Variants in ROBO1 observed in about 807,000 individuals in gnomAD.
ROBO1 encodes roundabout guidance receptor 1, also known as roundabout homolog 1.
Under a neutral mutation model 195.9 loss-of-function variants are expected in ROBO1, and 149 were observed. The observed-to-expected ratio is 0.76, with a 90% CI of 0.67 to 0.87. The LOEUF (loss-of-function observed/expected upper bound fraction) is 0.87, where lower values mean the gene tolerates loss of function less well. Ranked by LOEUF, ROBO1 falls within the 40% of genes least tolerant of loss-of-function variation. The pLI, the probability that ROBO1 is intolerant of heterozygous loss-of-function variation, is 0.00. For synonymous variants in ROBO1, 816 were observed against 733.2 expected (o/e 1.11, Z -1.82); for missense variants, 1,933 against 2,068.3 (o/e 0.93, Z 1.27).
intron 4 of ROBO1, among the ~76,000 whole-genome samples, chr3:78,775,549 G>C (rs1281882045): frequency 2.0e-5 from 3 of 152,116 alleles, no homozygotes; most frequent in Admixed American, 1.3e-4. Context: ...TAGTCACTAT[G>C]CTATACAAAG....
chr3:79,175,512 C>G (rs752291722), intron 2 of ROBO1, among the ~76,000 whole-genome samples: 7 of 152,206 alleles, frequency 4.6e-5, no homozygotes, highest in Non-Finnish European at 8.8e-5. Flanking sequence ...ATTGTTCTTC[C>G]TTCCTAACAC....
chr3:79,691,484 A>T (rs921874058), intron 1 of ROBO1, among the ~76,000 whole-genome samples: 157 of 151,582 alleles, frequency 1.0e-3, no homozygotes, highest in African/African-American at 3.7e-3. Flanking sequence ...ATATATGTTT[A>T]GCCATGAGAT....
chr3:78,608,326 G>A (rs1033645535), intron 28 of ROBO1, among the ~76,000 whole-genome samples: 7 of 151,926 alleles, frequency 4.6e-5, no homozygotes, highest in Middle Eastern at 6.8e-3. Flanking sequence ...GGCTGGTCTC[G>A]AACTCCTATG....
intron 2 of ROBO1, among the ~76,000 whole-genome samples, chr3:79,514,306 G>C (rs914053436): frequency 6.6e-6 from 1 of 152,130 alleles, no homozygotes; most frequent in Non-Finnish European, 1.5e-5. Flanking sequence ...CGTGGTGTGC[G>C]GGGGTGGAGG....
intron 1 of ROBO1, among the ~76,000 whole-genome samples, chr3:79,653,432 G>A (rs9870983): frequency 0.58 from 87,970 of 151,630 alleles, 25,807 homozygotes; most frequent in South Asian, 0.67. Context: ...CTTTTACTTC[G>A]AATAATAAAA....
intron 28 of ROBO1, among the ~76,000 whole-genome samples, chr3:78,611,698 G>T (rs1703823386): frequency 6.6e-6 from 1 of 152,184 alleles, no homozygotes; most frequent in African/African-American, 2.4e-5. Context: ...AAATGTTGAA[G>T]TCCTAACCCC....
At chr3:79,049,909 A>T (rs911239802) in intron 3 of ROBO1, among the ~76,000 whole-genome samples, 6 of 152,184 alleles carry the variant, frequency 3.9e-5, no homozygotes, top group African/African-American at 1.4e-4. Context: ...TAAACATGAA[A>T]AGGAAAAACC....
At chr3:78,875,213 A>G (rs2035768864) in intron 4 of ROBO1, among the ~76,000 whole-genome samples, 1 of 152,048 alleles carries the variant, frequency 6.6e-6, no homozygotes, top group Non-Finnish European at 1.5e-5. Context: ...ACTTCTTATG[A>G]AGTGATTCAT....
chr3:79,647,291 C>G (rs528090617), intron 1 of ROBO1, among the ~76,000 whole-genome samples: 43 of 152,156 alleles, frequency 2.8e-4, no homozygotes, highest in African/African-American at 9.1e-4. Context: ...CCTGAAAGCT[C>G]TCATGCTACA....
chr3:79,120,491 T>C (rs2080096718), intron 3 of ROBO1, among the ~76,000 whole-genome samples: 1 of 152,170 alleles, frequency 6.6e-6, no homozygotes, highest in Non-Finnish European at 1.5e-5. Context: ...CAAGCTTTTC[T>C]TGAATATGCT....
intron 4 of ROBO1, among the ~76,000 whole-genome samples, chr3:78,839,927 T>C (rs926823458): frequency 6.6e-6 from 1 of 152,172 alleles, no homozygotes; most frequent in Admixed American, 6.6e-5. Flanking sequence ...TTTATTAAGA[T>C]AACAGTGAAC....
intron 4 of ROBO1, among the ~76,000 whole-genome samples, chr3:78,866,556 T>C (rs2035194497): frequency 6.6e-6 from 1 of 152,216 alleles, no homozygotes. Context: ...ATAAAGAAGC[T>C]AATATTATAT....
intron 1 of ROBO1, among the ~76,000 whole-genome samples, chr3:79,634,421 T>A (rs1945436757): frequency 6.6e-6 from 1 of 152,078 alleles, no homozygotes; most frequent in Admixed American, 6.6e-5. Flanking sequence ...TTATACTTTG[T>A]AATTCTGCCA....
rs1418893267 is a variant in ROBO1, at chr3:79,527,957, T to G, written c.88+61867A>C. ...AATAATCGGGCCCCTCTACAAGGTG[T>G]GTGTGAATACTGACTCTCAGTAACC... is the stretch of plus-strand genomic sequence containing the variant. On this transcript the variant is annotated intron_variant, in intron 2 of 30. Transcript: ENST00000464233. The G allele has an allele frequency of 2.6e-5, 4 of 152,292 alleles. No individual in the cohort carries two copies. The East Asian group carries it at 7.7e-4, about 29-fold the overall frequency. 9.4% of individuals were successfully genotyped at this position (152,292 alleles called of 1,614,324 possible). A position where few individuals can be genotyped will look rare whatever the true frequency, so the allele number is the denominator to read the frequency against.
chr3:78,952,044 T>C (rs1304994081), intron 3 of ROBO1, among the ~76,000 whole-genome samples: 2 of 151,648 alleles, frequency 1.3e-5, no homozygotes, highest in Admixed American at 6.6e-5. Flanking sequence ...TACCTTATGG[T>C]TTTGTTTATT....
chr3:79,054,213 C>G (rs908582610), intron 3 of ROBO1, among the ~76,000 whole-genome samples: 2 of 152,082 alleles, frequency 1.3e-5, no homozygotes, highest in African/African-American at 4.8e-5. Context: ...CTTTGATGCT[C>G]TTACCACAGA....
At chr3:78,943,588 G>A (rs989182875) in intron 3 of ROBO1, among the ~76,000 whole-genome samples, 43 of 152,094 alleles carry the variant, frequency 2.8e-4, no homozygotes, top group African/African-American at 1.0e-3. Flanking sequence ...CAGTTCTCAG[G>A]GTGATTAGTC....
In ROBO1 at chr3:79,738,204, A is replaced by G. The variant is rs537641359; in HGVS notation, c.-51+29548T>C. 2.4e-4 allele frequency among the ~76,000 whole-genome samples: 36 copies of G among 152,282 alleles called. 1 individual carries two copies. In the South Asian group the frequency reaches 7.5e-3, roughly 32 times the overall value. On this transcript the variant is annotated intron_variant, in intron 1 of 30. Coordinates refer to ENST00000464233, the MANE Select transcript of ROBO1 (RefSeq NM_002941.4). ...CAGTGTACTCTTTCACAGTCCCAGC[A>G]TCTACAATAAACAATTTTCCCACCA...
chr3:78,927,197 T>A (rs2039269985), intron 4 of ROBO1, among the ~76,000 whole-genome samples: 1 of 152,288 alleles, frequency 6.6e-6, no homozygotes, highest in Non-Finnish European at 1.5e-5. Flanking sequence ...AAATCTTGAA[T>A]GGGCTCCTAT....
Sources: gnomAD v4.1 joint callset for allele counts (sites outside exome capture counted in the v4.1 genomes callset) on GRCh38, gnomAD v4.1.1 for gene constraint, MANE v1.5 for transcripts, NCBI Gene and HGNC (gene_info 2026-07-23, HGNC 2026-07-21) for gene names.